PAK2: variants seen among roughly 807,000 people sequenced by gnomAD.
PAK2 encodes serine/threonine-protein kinase PAK 2.
In PAK2, 21 loss-of-function variants were observed where a neutral mutation model predicts 65.9. That is an observed-to-expected ratio of 0.32 (90% CI 0.23 to 0.46). The LOEUF (loss-of-function observed/expected upper bound fraction) is 0.46. PAK2 is among the 20% of genes least tolerant of loss of function. PAK2 has a pLI of 1.00. For synonymous variants in PAK2, 204 were observed against 219.7 expected (o/e 0.93, Z 0.63); for missense variants, 324 against 642.6 (o/e 0.50, Z 5.36).
intron 5 of PAK2, 33 bp downstream of exon 5, chr3:196,805,416 G>A: frequency 9.2e-7 from 1 of 1,089,364 alleles, no homozygotes; most frequent in Non-Finnish European, 1.3e-6. Context: ...TGTATCTCTT[G>A]TTCTAATTTA....
Position 196,807,880 on chromosome 3 carries a change from T to C in PAK2, c.675T>C (p.Thr225=). 6.2e-7 allele frequency: 1 copy of C among 1,601,566 alleles called. No individual in the cohort carries two copies. The highest frequency in any genetic ancestry group is 8.6e-7 in the Non-Finnish European group (1 of 1,168,784). The change falls in exon 7 of 15, where the codon ACT becomes ACC. Residue 225 remains threonine, a synonymous_variant. Transcript: ENST00000327134. Reference sequence around the variant, plus strand: ...CTTTAGACAAACAGAAAAAGAAGACTAAGATGACAGATGAAGAGATTATGG... The same window carrying C: ...CTTTAGACAAACAGAAAAAGAAGACCAAGATGACAGATGAAGAGATTATGG... ...AKSLDKQKKK[T]KMTDEEIMEK...
intron 1 of PAK2, among the ~76,000 whole-genome samples, chr3:196,772,195 A>G (rs1429318226): frequency 2.6e-5 from 4 of 152,052 alleles, no homozygotes; most frequent in African/African-American, 9.7e-5. Flanking sequence ...TGTTATGTGC[A>G]TTATAGCCTT....
intron 11 of PAK2, among the ~76,000 whole-genome samples, chr3:196,817,239 A>G (rs1327105235): frequency 7.5e-6 from 1 of 132,722 alleles, no homozygotes; most frequent in Non-Finnish European, 1.5e-5. Flanking sequence ...ATCTCAGCTT[A>G]CTGCAATCTC....
chr3:196,774,854 C>T (rs1025352888), intron 1 of PAK2, among the ~76,000 whole-genome samples: 1 of 152,148 alleles, frequency 6.6e-6, no homozygotes. Context: ...ACAGAGAAAC[C>T]CTCTAGGGAG....
At chr3:196,794,599 C>T (rs1260677627) in intron 2 of PAK2, among the ~76,000 whole-genome samples, 1 of 152,202 alleles carries the variant, frequency 6.6e-6, no homozygotes, top group Non-Finnish European at 1.5e-5. Context: ...CCTGTCCCTG[C>T]CTTAGCCCAC....
At chr3:196,754,020 C>G (rs989626891) in intron 1 of PAK2, among the ~76,000 whole-genome samples, 5 of 152,064 alleles carry the variant, frequency 3.3e-5, no homozygotes, top group African/African-American at 1.2e-4. Context: ...AAAGTTTGCC[C>G]TTTTTTACCA....
chr3:196,828,482 T>C lies in PAK2; in HGVS notation c.*77T>C. The C allele has an allele frequency of 2.3e-6, 2 of 885,898 alleles. No individual in the cohort carries two copies. Among genetic ancestry groups the C allele is most frequent in the South Asian group, 2.8e-5 (2 of 70,492 alleles). 54.9% of individuals were successfully genotyped at this position (885,898 alleles called of 1,614,324 possible). A position where few individuals can be genotyped will look rare whatever the true frequency, so the allele number is the denominator to read the frequency against. On this transcript the variant is annotated 3_prime_UTR_variant, in exon 15 of 15. Transcript: ENST00000327134. Reference sequence around the variant, plus strand: ...TTAGTATATGAAAATTATTACTCTTTTTGGGGTTTAAAGAAATGGTCTGCA... The same window carrying C: ...TTAGTATATGAAAATTATTACTCTTCTTGGGGTTTAAAGAAATGGTCTGCA...
intron 7 of PAK2, among the ~76,000 whole-genome samples, chr3:196,810,148 A>ATATATTCAAATATATATATTTC (rs1560112909): frequency 6.6e-6 from 1 of 151,850 alleles, no homozygotes; most frequent in African/African-American, 2.4e-5. Context: ...CTATTAATAG[A>ATATATTCAAATATATATATTTC]TATATTCAAA....
At chr3:196,760,546 T>G (rs968836321) in intron 1 of PAK2, among the ~76,000 whole-genome samples, 5 of 152,180 alleles carry the variant, frequency 3.3e-5, no homozygotes, top group African/African-American at 1.2e-4. Flanking sequence ...CCACCAAGCC[T>G]GGACTCTGAG....
chr3:196,831,954 GT>G lies in PAK2; in HGVS notation c.*3555del, dbSNP rs1394495850. 1 of 152,122 alleles carries G rather than the reference GT, an allele frequency of 6.6e-6. No individual in the cohort carries two copies. Among genetic ancestry groups the G allele is most frequent in the Non-Finnish European group, 1.5e-5 (1 of 68,022 alleles). 9.4% of individuals were successfully genotyped at this position (152,122 alleles called of 1,614,324 possible). On this transcript the variant is annotated 3_prime_UTR_variant, in exon 15 of 15. Transcript: ENST00000327134. Reference sequence around the variant, plus strand: ...GTAGGTATTGAAACTGGTAAAATCAGTTTTTTGATAGTGTGTGTATATAAGA... The same window carrying G: ...GTAGGTATTGAAACTGGTAAAATCAGTTTTTGATAGTGTGTGTATATAAGA...
At chr3:196,751,700 A>ACCTTTT (rs1713605111) in intron 1 of PAK2, among the ~76,000 whole-genome samples, 1 of 62,848 alleles carries the variant, frequency 1.6e-5, no homozygotes, top group African/African-American at 1.1e-4. Flanking sequence ...TATATAATTC[A>ACCTTTT]GGCTATATAT....
intron 1 of PAK2, among the ~76,000 whole-genome samples, chr3:196,775,599 T>G (rs1464056799): frequency 6.6e-6 from 1 of 152,044 alleles, no homozygotes; most frequent in Non-Finnish European, 1.5e-5. Flanking sequence ...GCCAGGATGG[T>G]CTCGATCTCT....
chr3:196,760,940 AAAAAG>A (rs1713939058), intron 1 of PAK2, among the ~76,000 whole-genome samples: 1 of 152,180 alleles, frequency 6.6e-6, no homozygotes, highest in Non-Finnish European at 1.5e-5. Flanking sequence ...ATCTTGTAGA[AAAAAG>A]AAAAGTTAGG....
chr3:196,801,833 A>T, intron 2 of PAK2, 94 bp from the exon 3 acceptor site: 3 of 686,006 alleles, frequency 4.4e-6, no homozygotes, highest in Non-Finnish European at 5.1e-6. Context: ...AACTCCATTT[A>T]AAAAAACAAA....
At chr3:196,793,142 C>T (rs939370491) in intron 2 of PAK2, among the ~76,000 whole-genome samples, 1 of 152,150 alleles carries the variant, frequency 6.6e-6, no homozygotes, top group African/African-American at 2.4e-5. Flanking sequence ...TCCTCCTTTA[C>T]ACCCCACACA....
Position 196,829,348 on chromosome 3 carries a change from T to TTTTAGG in PAK2, c.*953_*958dup, listed in dbSNP as rs1711989200. ...AAATAAATTTCTGTATATGTTGCAA[T>TTTTAGG]TTTAGGTTTAGGTTTGTTCTTTTTC... is the stretch of plus-strand genomic sequence containing the variant. On this transcript the variant is annotated 3_prime_UTR_variant, in exon 15 of 15. Coordinates refer to ENST00000327134, the MANE Select transcript of PAK2 (RefSeq NM_002577.4). The TTTTAGG allele has an allele frequency of 6.6e-6, 1 of 152,608 alleles. No individual in the cohort carries two copies. Among genetic ancestry groups the TTTTAGG allele is most frequent in the African/African-American group, 2.4e-5 (1 of 41,442 alleles). 9.5% of individuals were successfully genotyped at this position (152,608 alleles called of 1,614,324 possible). A position where few individuals can be genotyped will look rare whatever the true frequency, so the allele number is the denominator to read the frequency against.
intron 10 of PAK2, 120 bp from the exon 11 acceptor site, chr3:196,814,331 C>T (rs1019005537): frequency 1.2e-5 from 7 of 603,288 alleles, no homozygotes; most frequent in Non-Finnish European, 2.1e-5. Context: ...CTTCCTAACT[C>T]TCAAGCTACC....
chr3:196,781,349 T>C (rs1714708977), intron 1 of PAK2, among the ~76,000 whole-genome samples: 1 of 152,206 alleles, frequency 6.6e-6, no homozygotes, highest in East Asian at 1.9e-4. Flanking sequence ...CCTCTCCCTT[T>C]TACTGCTGAT....
At chr3:196,806,191 G>A (rs549393587) in intron 5 of PAK2, among the ~76,000 whole-genome samples, 3 of 152,016 alleles carry the variant, frequency 2.0e-5, no homozygotes, top group South Asian at 2.1e-4. Flanking sequence ...GATTACAGAC[G>A]TGAGCCACCA....
Sources: gnomAD v4.1 joint callset for allele counts (sites outside exome capture counted in the v4.1 genomes callset) on GRCh38, gnomAD v4.1.1 for gene constraint, MANE v1.5 for transcripts, NCBI Gene and HGNC (gene_info 2026-07-23, HGNC 2026-07-21) for gene names.